Variants in ALPK2 observed in about 807,000 individuals in gnomAD.
The protein encoded by ALPK2 is alpha kinase 2, also known as alpha-protein kinase 2.
Under a neutral mutation model 163.1 loss-of-function variants are expected in ALPK2, and 127 were observed. The observed-to-expected ratio is 0.78, with a 90% CI of 0.67 to 0.90. ALPK2 has a LOEUF of 0.90. ALPK2 is among the 40% of genes least tolerant of loss of function. ALPK2 has a pLI of 0.00. For synonymous variants in ALPK2, 953 were observed against 959.1 expected (o/e 0.99, Z 0.12); for missense variants, 2,360 against 2,589.6 (o/e 0.91, Z 1.92).
At chr18:58,523,759 T>C in intron 8 of ALPK2, 47 bp downstream of exon 8, 1 of 1,613,126 alleles carries the variant, frequency 6.2e-7, no homozygotes, top group Non-Finnish European at 8.5e-7. Flanking sequence ...ATTTTATGCT[T>C]TACAGTAAGC....
Position 58,537,697 on chromosome 18 carries a change from A to G in ALPK2, c.2490T>C (p.Tyr830=). 6.2e-7 allele frequency: 1 copy of G among 1,614,112 alleles called. No homozygotes were observed. Among genetic ancestry groups the G allele is most frequent in the African/African-American group, 1.3e-5 (1 of 75,060 alleles). ...CTACAGAGCAAATTTCTTGAGGCGAATATTTATCAACTGGTCTCCCAACAA... is the reference window on the plus strand; with the variant it reads ...CTACAGAGCAAATTTCTTGAGGCGAGTATTTATCAACTGGTCTCCCAACAA... ...DSLVGRPVDK[Y]SPQEICSVDT... is the part of the protein sequence containing the mutation. The change falls in exon 5 of 13, where the codon TAT becomes TAC. Residue 830 remains tyrosine (Y), a synonymous_variant. Coordinates refer to ENST00000361673, the MANE Select transcript of ALPK2 (RefSeq NM_052947.4).
Position 58,537,621 on chromosome 18 carries a change from TAGA to T in ALPK2, c.2563_2565del (p.Ser855del). ...AAAAAGACTTCCAGTGTCTTGTCAT[TAGA>T]AGAACATAAATCAGATACTTTGTTT... On this transcript the variant is annotated inframe_deletion, in exon 5 of 13. Coordinates refer to ENST00000361673, the MANE Select transcript of ALPK2 (RefSeq NM_052947.4). 6.2e-7 allele frequency: 1 copy of T among 1,613,538 alleles called. No homozygotes were observed. The highest frequency in any genetic ancestry group is 8.5e-7 in the Non-Finnish European group (1 of 1,179,508).
chr18:58,495,259 G>A (rs899451453), intron 12 of ALPK2, among the ~76,000 whole-genome samples: 2 of 152,326 alleles, frequency 1.3e-5, no homozygotes, highest in African/African-American at 2.4e-5. Context: ...AAAAGGTAAC[G>A]TTTAAAGAAA....
chr18:58,517,270 G>T, intron 8 of ALPK2, 88 bp from the exon 9 acceptor site: 1 of 1,414,280 alleles, frequency 7.1e-7, no homozygotes, highest in Non-Finnish European at 9.6e-7. Context: ...CCCACATAAG[G>T]ACAATGACAA....
intron 4 of ALPK2, chr18:58,557,148 G>A (rs567512643): frequency 1.3e-5 from 2 of 152,462 alleles, no homozygotes; most frequent in East Asian, 1.9e-4. Context: ...TAAAGCCCTG[G>A]CAGTGGGGGC....
chr18:58,623,184 A>C (rs1389131791), intron 1 of ALPK2, among the ~76,000 whole-genome samples: 2 of 152,132 alleles, frequency 1.3e-5, no homozygotes, highest in African/African-American at 4.8e-5. Flanking sequence ...CCAGCCAGTC[A>C]GAGTGTCTTA....
rs1197357765 is a variant in ALPK2, at chr18:58,573,266, A to ATATATGTATATATGTGTG, written c.1962+5547_1962+5548insCACACATATATACATATA. The stretch of plus-strand genomic sequence containing the variant: ...TATGTGTATATATGTATATATGTGT[A>ATATATGTATATATGTGTG]TATATATGTATATATGTGTATATAT... On this transcript the variant is annotated intron_variant, in intron 4 of 12. Transcript: ENST00000361673. Among the ~76,000 whole-genome samples the ATATATGTATATATGTGTG allele has an allele frequency of 1.5e-4, 5 of 33,388 alleles. 1 individual carries two copies. In the South Asian group the frequency reaches 6.1e-3, roughly 41 times the overall value. 21.9% of individuals were successfully genotyped at this position (33,388 alleles called of 152,430 possible).
intron 1 of ALPK2, among the ~76,000 whole-genome samples, chr18:58,619,235 C>T (rs559956837): frequency 2.0e-5 from 3 of 151,996 alleles, no homozygotes; most frequent in East Asian, 3.9e-4. Flanking sequence ...CAGACAAGAT[C>T]GTATTTCATC....
At chr18:58,526,194 T>C (rs2051584020) in intron 6 of ALPK2, among the ~76,000 whole-genome samples, 1 of 152,206 alleles carries the variant, frequency 6.6e-6, no homozygotes, top group Non-Finnish European at 1.5e-5. Flanking sequence ...CAGTGGTGAT[T>C]AGCTGTGCAG....
chr18:58,519,158 T>C (rs1226967792), intron 8 of ALPK2, among the ~76,000 whole-genome samples: 1 of 152,158 alleles, frequency 6.6e-6, no homozygotes, highest in African/African-American at 2.4e-5. Flanking sequence ...AATAGCTGGG[T>C]CACAGATTTT....
chr18:58,550,160 A>G (rs2051743600), intron 4 of ALPK2, among the ~76,000 whole-genome samples: 1 of 152,082 alleles, frequency 6.6e-6, no homozygotes, highest in Admixed American at 6.5e-5. Flanking sequence ...GTCCTGCTTA[A>G]ACAAATACAA....
At chr18:58,506,535 A>G (rs1204485653) in intron 10 of ALPK2, among the ~76,000 whole-genome samples, 2 of 152,092 alleles carry the variant, frequency 1.3e-5, no homozygotes, top group African/African-American at 4.8e-5. Context: ...AATTCATTCA[A>G]TGAACATCCA....
chr18:58,564,120 G>GTTTTTTTTT (rs1555672429), intron 4 of ALPK2, among the ~76,000 whole-genome samples: 1 of 42,856 alleles, frequency 2.3e-5, no homozygotes, highest in African/African-American at 1.3e-4. Context: ...TGATGTCTTT[G>GTTTTTTTTT]TTCTTTTTTT....
At chr18:58,487,045 T>C (rs1353219000) in intron 12 of ALPK2, among the ~76,000 whole-genome samples, 1 of 152,166 alleles carries the variant, frequency 6.6e-6, no homozygotes, top group East Asian at 1.9e-4. Flanking sequence ...TTGCAGAAAC[T>C]CGCTATCCTT....
chr18:58,578,082 C>T (rs562708763), intron 4 of ALPK2: 193 of 152,262 alleles, frequency 1.3e-3, no homozygotes, highest in African/African-American at 4.4e-3. Flanking sequence ...ATCTTTTGTG[C>T]ATTGATTATT....
intron 4 of ALPK2, among the ~76,000 whole-genome samples, chr18:58,551,388 G>A (rs777816460): frequency 1.3e-5 from 2 of 151,998 alleles, no homozygotes; most frequent in East Asian, 1.9e-4. Flanking sequence ...CTCTCCCTCC[G>A]TCTTCATGTG....
intron 6 of ALPK2, 132 bp from the exon 7 acceptor site, chr18:58,524,194 AAAATCAC>A: frequency 8.1e-7 from 1 of 1,237,812 alleles, no homozygotes; most frequent in Non-Finnish European, 1.1e-6. Context: ...CCCAAAGGGC[AAAATCAC>A]GATCAGCTGT....
At chr18:58,596,129 G>A (rs531769027) in intron 3 of ALPK2, among the ~76,000 whole-genome samples, 3 of 152,264 alleles carry the variant, frequency 2.0e-5, no homozygotes, top group African/African-American at 7.2e-5. Context: ...AAAATGAATT[G>A]CTGGACCCAG....
chr18:58,503,913 C>A lies in ALPK2; in HGVS notation c.6247+18G>T, dbSNP rs200247911. 6 of 1,604,964 alleles carry A rather than the reference C, an allele frequency of 3.7e-6. No homozygotes were observed. Among genetic ancestry groups the A allele is most frequent in the Non-Finnish European group, 4.3e-6 (5 of 1,174,854 alleles). On this transcript the variant is annotated intron_variant, in intron 11 of 12. Transcript: ENST00000361673. ...GCCCACAGCATCCCTGGAGCCTGGGCTAAGCTGCTTTCCTCACCTTGCATG... is the reference window on the plus strand; with the variant it reads ...GCCCACAGCATCCCTGGAGCCTGGGATAAGCTGCTTTCCTCACCTTGCATG...
Sources: gnomAD v4.1 joint callset for allele counts (sites outside exome capture counted in the v4.1 genomes callset) on GRCh38, gnomAD v4.1.1 for gene constraint, MANE v1.5 for transcripts, NCBI Gene and HGNC (gene_info 2026-07-23, HGNC 2026-07-21) for gene names.